SHISAL2B: variants seen among roughly 807,000 people sequenced by gnomAD.
The protein encoded by SHISAL2B is shisa like 2B, also known as protein shisa-like-2B.
In SHISAL2B, 12 loss-of-function variants were observed where a neutral mutation model predicts 16.5. The ratio of observed to expected loss-of-function variants is 0.73; its 90% CI spans 0.47 to 1.18. The LOEUF is 1.18. Ranked by LOEUF, SHISAL2B falls within the 50% of genes most tolerant of loss-of-function variation. The pLI is 0.00. For synonymous variants in SHISAL2B, 72 were observed against 75.0 expected, an observed-to-expected ratio of 0.96 and a Z score of 0.21; for missense variants, 183 against 193.6, an observed-to-expected ratio of 0.95 and a Z score of 0.33.
At chr5:64,695,108 A>G (rs1168413967) in intron 1 of SHISAL2B, among the ~76,000 whole-genome samples, 1 of 152,130 alleles carries the variant, frequency 6.6e-6, no homozygotes, top group African/African-American at 2.4e-5. Context: ...CTACTAAAAT[A>G]CAAAAAATTA....
chr5:64,692,601 G>C (rs1277185619), intron 1 of SHISAL2B, among the ~76,000 whole-genome samples: 1 of 152,160 alleles, frequency 6.6e-6, no homozygotes, highest in Non-Finnish European at 1.5e-5. Flanking sequence ...AGAGTCACTA[G>C]CCCTTGTTTT....
At chr5:64,698,917 A>G (rs1383156964) in intron 2 of SHISAL2B, among the ~76,000 whole-genome samples, 2 of 152,204 alleles carry the variant, frequency 1.3e-5, no homozygotes, top group East Asian at 3.9e-4. Context: ...TAAAACATTC[A>G]TTGATTGCCT....
intron 2 of SHISAL2B, among the ~76,000 whole-genome samples, chr5:64,707,608 A>G (rs1486147104): frequency 6.6e-6 from 1 of 152,248 alleles, no homozygotes; most frequent in Non-Finnish European, 1.5e-5. Flanking sequence ...CTATATTGCC[A>G]TAAGTTAAGA....
intron 1 of SHISAL2B, among the ~76,000 whole-genome samples, chr5:64,692,543 C>T (rs918263886): frequency 1.3e-5 from 2 of 152,078 alleles, no homozygotes; most frequent in African/African-American, 4.8e-5. Context: ...CTTCATTTGC[C>T]CCCTATTCTT....
At chr5:64,711,311 T>A (rs1408090013) in intron 2 of SHISAL2B, among the ~76,000 whole-genome samples, 1 of 148,212 alleles carries the variant, frequency 6.7e-6, no homozygotes, top group East Asian at 1.9e-4. Context: ...GGTTTTTGTC[T>A]TTGGTTCTGT....
At chr5:64,694,112 C>A (rs1741694571) in intron 1 of SHISAL2B, 4 of 455,102 alleles carry the variant, frequency 8.8e-6, no homozygotes, top group Non-Finnish European at 1.3e-5. Context: ...GTCCTAATCC[C>A]AGAGAAAGAG....
Position 64,690,639 on chromosome 5 carries a change from C to T in SHISAL2B, c.16C>T (p.Arg6Ter). The change falls in exon 1 of 3, where the codon CGA becomes TGA. Residue 6 changes from arginine (R) to a stop codon, truncating the protein, a stop_gained. Transcript: ENST00000389074. LOFTEE classifies it high-confidence loss of function. ...CCTGCCCGCGATGAGCGAGGCCAGC[C>T]GACTGTGCTCCGGCTACTACAGCCT... MSEAS[R>*]LCSGYYSLNQ... 1.3e-6 allele frequency: 2 copies of T among 1,503,772 alleles called. No homozygotes were observed. 93.2% of individuals were successfully genotyped at this position (1,503,772 alleles called of 1,614,324 possible). A position where few individuals can be genotyped will look rare whatever the true frequency, so the allele number is the denominator to read the frequency against.
intron 2 of SHISAL2B, among the ~76,000 whole-genome samples, chr5:64,696,863 G>A (rs1741744846): frequency 6.6e-6 from 1 of 152,146 alleles, no homozygotes; most frequent in Admixed American, 6.6e-5. Context: ...TTTGCTCTTT[G>A]CCTTATGATC....
chr5:64,712,452 CT>C (rs1425810449), intron 2 of SHISAL2B, among the ~76,000 whole-genome samples: 1 of 151,844 alleles, frequency 6.6e-6, no homozygotes, highest in Non-Finnish European at 1.5e-5. Flanking sequence ...GAGAGTTTTA[CT>C]TCCAACTATG....
intron 2 of SHISAL2B, 113 bp downstream of exon 2, chr5:64,695,777 T>C (rs982000622): frequency 9.4e-6 from 7 of 743,724 alleles, no homozygotes; most frequent in Middle Eastern, 3.8e-4. Flanking sequence ...TTCAGTTCAC[T>C]ATGTGTCTCA....
chr5:64,714,352 GGGGGTCA>G (rs1742004759), intron 2 of SHISAL2B, among the ~76,000 whole-genome samples: 1 of 144,872 alleles, frequency 6.9e-6, no homozygotes, highest in South Asian at 2.3e-4. Flanking sequence ...TAGGTTGCTC[GGGGGTCA>G]GGGGTCAGGG....
intron 2 of SHISAL2B, among the ~76,000 whole-genome samples, chr5:64,709,193 C>G (rs1741916822): frequency 2.6e-5 from 3 of 113,780 alleles, no homozygotes; most frequent in Admixed American, 9.8e-5. Context: ...CCCCCTCCCC[C>G]CACCCCACCA....
intron 2 of SHISAL2B, among the ~76,000 whole-genome samples, chr5:64,711,095 AGGGCATCC>A (rs1741951482): frequency 7.5e-6 from 1 of 133,570 alleles, no homozygotes; most frequent in East Asian, 2.1e-4. Flanking sequence ...GCGGTGAGAG[AGGGCATCC>A]CTGTCTTGTG....
chr5:64,703,348 C>T (rs1741835261), intron 2 of SHISAL2B, among the ~76,000 whole-genome samples: 1 of 152,164 alleles, frequency 6.6e-6, no homozygotes, highest in African/African-American at 2.4e-5. Flanking sequence ...AAAAGGCCAC[C>T]TGTGTCCCTT....
At chr5:64,716,668 G>A (rs1005925417) in intron 2 of SHISAL2B, among the ~76,000 whole-genome samples, 1 of 152,158 alleles carries the variant, frequency 6.6e-6, no homozygotes, top group Non-Finnish European at 1.5e-5. Flanking sequence ...TCTGGAAGAA[G>A]AGCATAGTAG....
At chr5:64,708,966 A>G (rs1741911903) in intron 2 of SHISAL2B, among the ~76,000 whole-genome samples, 2 of 151,954 alleles carry the variant, frequency 1.3e-5, no homozygotes, top group African/African-American at 4.8e-5. Context: ...ATATTAGCCT[A>G]GAGATCAATA....
At position 64,707,784 on chromosome 5, in the gene SHISAL2B, G is replaced by A. The variant is rs145064904; in HGVS notation, c.350-10105G>A. On this transcript the variant is annotated intron_variant, in intron 2 of 2. Transcript: ENST00000389074. Reference sequence around the variant, plus strand: ...AAACAAAAGATCAGCAACATTTTAAGCAAAAAGTCAAAAAGATTACTTCAG... The same window carrying A: ...AAACAAAAGATCAGCAACATTTTAAACAAAAAGTCAAAAAGATTACTTCAG... Among the ~76,000 whole-genome samples, 345 of 152,256 alleles carry A rather than the reference G, an allele frequency of 2.3e-3. 2 individuals are homozygous for A. Among genetic ancestry groups the A allele is most frequent in the African/African-American group, 7.9e-3 (328 of 41,572 alleles).
chr5:64,690,572 G>T lies in SHISAL2B; in HGVS notation c.-52G>T. 7.2e-7 allele frequency: 1 copy of T among 1,392,438 alleles called. No homozygotes were observed. The highest frequency in any genetic ancestry group is 9.4e-7 in the Non-Finnish European group (1 of 1,064,448). 86.3% of individuals were successfully genotyped at this position (1,392,438 alleles called of 1,614,324 possible). A position where few individuals can be genotyped will look rare whatever the true frequency, so the allele number is the denominator to read the frequency against. On this transcript the variant is annotated 5_prime_UTR_variant, in exon 1 of 3. Coordinates refer to ENST00000389074, the MANE Select transcript of SHISAL2B (RefSeq NM_001164442.2). ...GGCTCTGGAGGTGCTGGACGGGTGC[G>T]ATCCGAGAGCAGACCGGGGCCCTCG...
At chr5:64,714,569 C>T (rs1218076711) in intron 2 of SHISAL2B, among the ~76,000 whole-genome samples, 6 of 152,038 alleles carry the variant, frequency 3.9e-5, no homozygotes, top group Admixed American at 1.3e-4. Context: ...GGGCTCCACC[C>T]AGTTCGAGCT....
Sources: gnomAD v4.1 joint callset for allele counts (sites outside exome capture counted in the v4.1 genomes callset) on GRCh38, gnomAD v4.1.1 for gene constraint, MANE v1.5 for transcripts, NCBI Gene and HGNC (gene_info 2026-07-23, HGNC 2026-07-21) for gene names.